Variants in RBPMS2 observed in about 807,000 individuals in gnomAD.
RBPMS2 encodes RNA binding protein, mRNA processing factor 2.
Under a neutral mutation model 25.7 loss-of-function variants are expected in RBPMS2, and 14 were observed. The ratio of observed to expected loss-of-function variants is 0.55; its 90% CI spans 0.36 to 0.85. The LOEUF is 0.85. RBPMS2 is among the 40% of genes least tolerant of loss of function. The pLI is 0.01. For missense variants in RBPMS2, 252 were observed against 283.4 expected (o/e 0.89, Z 0.80); for synonymous variants, 127 against 115.6 (o/e 1.10, Z -0.63).
chr15:64,773,807 C>T (rs1444309671), intron 1 of RBPMS2, among the ~76,000 whole-genome samples: 1 of 152,096 alleles, frequency 6.6e-6, no homozygotes, highest in Non-Finnish European at 1.5e-5. Flanking sequence ...GCAACCCTGT[C>T]ACCCTCCCCA....
intron 7 of RBPMS2, 55 bp downstream of exon 7, chr15:64,741,118 T>C: frequency 7.2e-7 from 1 of 1,389,814 alleles, no homozygotes. Context: ...ACTACGGCCC[T>C]TCAGGGAGCC....
intron 1 of RBPMS2, chr15:64,762,603 C>T: frequency 2.1e-6 from 1 of 476,064 alleles, no homozygotes; most frequent in Non-Finnish European, 4.2e-6. Context: ...AGATTCCAAA[C>T]AAAAGACAAA....
At chr15:64,770,404 A>C (rs1335816919) in intron 1 of RBPMS2, among the ~76,000 whole-genome samples, 1 of 152,232 alleles carries the variant, frequency 6.6e-6, no homozygotes. Flanking sequence ...TAAGTACTTC[A>C]TAATGCTCTT....
chr15:64,775,382 A>G lies in RBPMS2; in HGVS notation c.-63T>C. 1.0e-6 allele frequency: 1 copy of G among 985,092 alleles called. No homozygotes were observed. The highest frequency in any genetic ancestry group is 4.0e-4 in the Middle Eastern group (1 of 2,506). 61.0% of individuals were successfully genotyped at this position (985,092 alleles called of 1,614,324 possible). On this transcript the variant is annotated 5_prime_UTR_variant, in exon 1 of 8. Coordinates refer to ENST00000300069, the MANE Select transcript of RBPMS2 (RefSeq NM_194272.3). ...CGAGCGCGGCGCCGGCCCCGCGGGA[A>G]GTGGGAAGGGGCGCGGGGAGCGGTG...
At chr15:64,741,141 A>C in intron 7 of RBPMS2, 32 bp downstream of exon 7, 1 of 1,521,724 alleles carries the variant, frequency 6.6e-7, no homozygotes, top group Non-Finnish European at 8.9e-7. Flanking sequence ...AGTCTAGGAC[A>C]CTTGTCCTGG....
chr15:64,770,876 C>A (rs2083888158), intron 1 of RBPMS2, among the ~76,000 whole-genome samples: 1 of 152,060 alleles, frequency 6.6e-6, no homozygotes, highest in Non-Finnish European at 1.5e-5. Flanking sequence ...GGTCCCAGGG[C>A]TCTGGCTGCT....
chr15:64,765,185 C>CCACTG (rs1319059516), intron 1 of RBPMS2, among the ~76,000 whole-genome samples: 1 of 146,594 alleles, frequency 6.8e-6, no homozygotes, highest in Admixed American at 6.9e-5. Flanking sequence ...CGAGATTGCG[C>CCACTG]CACTGCACTC....
chr15:64,775,263 G>A lies in RBPMS2; in HGVS notation c.57C>T (p.Gly19=). 1.5e-6 allele frequency: 2 copies of A among 1,338,448 alleles called. No homozygotes were observed. Among genetic ancestry groups the A allele is most frequent in the Non-Finnish European group, 1.9e-6 (2 of 1,038,328 alleles). 82.9% of individuals were successfully genotyped at this position (1,338,448 alleles called of 1,614,324 possible). ...CCTCCAGGGCGCCGCCGGAGCCCGC[G>A]CCGGAGCCGGTGCCGGTGCTGCCGC... ...EHGGSTGTGS[G]AGSGGALEEE... Residue 19 remains glycine, a synonymous_variant, in exon 1 of 8, where the codon GGC becomes GGT. Coordinates refer to ENST00000300069, the MANE Select transcript of RBPMS2 (RefSeq NM_194272.3).
chr15:64,760,109 G>T (rs186016548), intron 1 of RBPMS2, among the ~76,000 whole-genome samples: 6 of 152,348 alleles, frequency 3.9e-5, no homozygotes, highest in Admixed American at 3.9e-4. Context: ...CCTCCTTCCA[G>T]GGCACACACA....
At chr15:64,748,135 G>T (rs1285384895) in intron 6 of RBPMS2, among the ~76,000 whole-genome samples, 3 of 152,212 alleles carry the variant, frequency 2.0e-5, no homozygotes, top group Non-Finnish European at 4.4e-5. Context: ...CACCATGGGA[G>T]AACATAGTCG....
At chr15:64,742,199 C>G (rs886655184) in intron 6 of RBPMS2, among the ~76,000 whole-genome samples, 6 of 152,122 alleles carry the variant, frequency 3.9e-5, no homozygotes, top group Admixed American at 6.6e-5. Flanking sequence ...AAAACAAAAC[C>G]CAAAGTCCGT....
At chr15:64,763,781 G>A (rs1038851784) in intron 1 of RBPMS2, among the ~76,000 whole-genome samples, 4 of 149,682 alleles carry the variant, frequency 2.7e-5, no homozygotes. Context: ...TGTGCAATGT[G>A]TCCTAGACTT....
intron 6 of RBPMS2, among the ~76,000 whole-genome samples, chr15:64,744,646 G>C (rs1404161845): frequency 6.6e-6 from 1 of 151,354 alleles, no homozygotes; most frequent in African/African-American, 2.4e-5. Context: ...ATAGCTATCA[G>C]TAAGCAAAAC....
At chr15:64,766,209 G>C (rs1186939376) in intron 1 of RBPMS2, among the ~76,000 whole-genome samples, 2 of 152,166 alleles carry the variant, frequency 1.3e-5, no homozygotes, top group Admixed American at 1.3e-4. Flanking sequence ...AAGAGCCTCT[G>C]CTCAGTTGGC....
chr15:64,746,001 C>G (rs1040246760), intron 6 of RBPMS2, among the ~76,000 whole-genome samples: 1 of 152,184 alleles, frequency 6.6e-6, no homozygotes, highest in Non-Finnish European at 1.5e-5. Context: ...AAACAATTCA[C>G]TTAAGATCAA....
At chr15:64,753,212 C>G (rs565399860) in intron 1 of RBPMS2, among the ~76,000 whole-genome samples, 1 of 152,314 alleles carries the variant, frequency 6.6e-6, no homozygotes, top group African/African-American at 2.4e-5. Flanking sequence ...CGAAGCCAAG[C>G]ACAGGTCTTC....
intron 1 of RBPMS2, among the ~76,000 whole-genome samples, chr15:64,757,812 C>CT (rs954008312): frequency 6.6e-6 from 1 of 151,224 alleles, no homozygotes; most frequent in Non-Finnish European, 1.5e-5. Flanking sequence ...AGGCCCTATC[C>CT]CCCCCCACAA....
intron 6 of RBPMS2, among the ~76,000 whole-genome samples, chr15:64,746,582 T>A (rs1251251577): frequency 1.3e-5 from 2 of 152,004 alleles, no homozygotes; most frequent in Non-Finnish European, 2.9e-5. Flanking sequence ...AGAGTGTGGA[T>A]GGGGTGGGAG....
intron 2 of RBPMS2, among the ~76,000 whole-genome samples, chr15:64,751,109 C>T (rs1411912324): frequency 4.6e-5 from 7 of 151,976 alleles, no homozygotes; most frequent in African/African-American, 9.7e-5. Flanking sequence ...CCGGGGCGGG[C>T]GGATCACGAG....
Sources: allele counts gnomAD v4.1 joint callset (sites outside exome capture counted in the v4.1 genomes callset), GRCh38; gene constraint gnomAD v4.1.1; transcripts MANE v1.5; gene names NCBI Gene and HGNC (gene_info 2026-07-23, HGNC 2026-07-21).